The following MGMT variants were observed in gnomAD, a reference collection of about 807,000 sequenced individuals.
MGMT encodes methylated-DNA--protein-cysteine methyltransferase.
Under a neutral mutation model 15.9 loss-of-function variants are expected in MGMT, and 14 were observed. The ratio of observed to expected loss-of-function variants is 0.88; its 90% CI spans 0.58 to 1.37. MGMT has a LOEUF of 1.37. Ranked by LOEUF, MGMT falls within the 40% of genes most tolerant of loss-of-function variation. The pLI, the probability that MGMT is intolerant of heterozygous loss-of-function variation, is 0.00. For synonymous variants in MGMT, 130 were observed against 118.2 expected (o/e 1.10, Z -0.65); for missense variants, 282 against 268.1 (o/e 1.05, Z -0.36).
At chr10:129,673,657 G>A (rs1173847823) in intron 2 of MGMT, among the ~76,000 whole-genome samples, 1 of 152,116 alleles carries the variant, frequency 6.6e-6, no homozygotes, top group Non-Finnish European at 1.5e-5. Flanking sequence ...TTCAGGGGTT[G>A]CAAGTTCTCC....
At chr10:129,675,541 C>T (rs1043511565) in intron 2 of MGMT, among the ~76,000 whole-genome samples, 3 of 152,138 alleles carry the variant, frequency 2.0e-5, no homozygotes, top group Non-Finnish European at 4.4e-5. Context: ...GAGGGGAGTC[C>T]CCATCAGAAG....
At chr10:129,687,128 A>G (rs1010405708) in intron 2 of MGMT, among the ~76,000 whole-genome samples, 1 of 152,052 alleles carries the variant, frequency 6.6e-6, no homozygotes, top group Non-Finnish European at 1.5e-5. Context: ...GGGTAAGAAC[A>G]ACGTTTTTAT....
chr10:129,749,273 G>A (rs753653645), intron 3 of MGMT, among the ~76,000 whole-genome samples: 1 of 152,054 alleles, frequency 6.6e-6, no homozygotes, highest in Non-Finnish European at 1.5e-5. Flanking sequence ...ATCCCCCTGT[G>A]CTCCACCTAT....
chr10:129,641,900 T>A (rs1847331635), intron 2 of MGMT, among the ~76,000 whole-genome samples: 1 of 152,230 alleles, frequency 6.6e-6, no homozygotes. Context: ...GAAATCCACA[T>A]AATGTATGCG....
intron 2 of MGMT, among the ~76,000 whole-genome samples, chr10:129,639,900 C>G (rs1386261870): frequency 2.1e-5 from 3 of 145,334 alleles, no homozygotes; most frequent in Non-Finnish European, 4.5e-5. Context: ...AGAACTGGTT[C>G]TTTGGAAAAA....
Position 129,659,672 on chromosome 10 carries a change from T to A in MGMT, c.126-48223T>A, listed in dbSNP as rs558926902. On this transcript the variant is annotated intron_variant, in intron 2 of 4. Coordinates refer to ENST00000651593, the MANE Select transcript of MGMT (RefSeq NM_002412.5). This position sits in a 1 kb window ranked among gnomAD's most constrained non-coding sequence, Gnocchi z 4.1. ...GACTGTGTGAAATTTTGAAGAGCAG[T>A]TTAGCCCGAAAATATTCCATGAGTA... is the stretch of plus-strand genomic sequence containing the variant. 6.6e-6 allele frequency among the ~76,000 whole-genome samples: 1 copy of A among 152,296 alleles called. No homozygotes were observed. The highest frequency in any genetic ancestry group is 2.4e-5 in the African/African-American group (1 of 41,562).
chr10:129,469,494 T>C (rs1845206488), intron 1 of MGMT, among the ~76,000 whole-genome samples: 1 of 152,142 alleles, frequency 6.6e-6, no homozygotes, highest in African/African-American at 2.4e-5. Context: ...AGCATAAAGT[T>C]CCATGTCCAG....
At chr10:129,660,150 A>G (rs907509076) in intron 2 of MGMT, among the ~76,000 whole-genome samples, 8 of 152,144 alleles carry the variant, frequency 5.3e-5, no homozygotes, top group Admixed American at 3.3e-4. Context: ...CTGATTTTTC[A>G]TCTCCCTGCC....
intron 2 of MGMT, among the ~76,000 whole-genome samples, chr10:129,603,019 G>C (rs1274886733): frequency 6.6e-6 from 1 of 152,162 alleles, no homozygotes; most frequent in Non-Finnish European, 1.5e-5. Flanking sequence ...CTATGTCACA[G>C]TCTCTCCCAA....
intron 2 of MGMT, among the ~76,000 whole-genome samples, chr10:129,560,042 T>A (rs369983559): frequency 4.3e-4 from 65 of 152,316 alleles, no homozygotes; most frequent in African/African-American, 1.5e-3. Flanking sequence ...AAAGTGGAAT[T>A]ATGAGTTCAG....
intron 2 of MGMT, among the ~76,000 whole-genome samples, chr10:129,623,110 A>G (rs1386785525): frequency 2.0e-5 from 3 of 152,116 alleles, no homozygotes; most frequent in Non-Finnish European, 2.9e-5. Context: ...TACTCTGCGT[A>G]GTGTAGGGTG....
chr10:129,477,059 G>A (rs562628014), intron 1 of MGMT, among the ~76,000 whole-genome samples: 1 of 152,246 alleles, frequency 6.6e-6, no homozygotes, highest in East Asian at 1.9e-4. Flanking sequence ...TTGGGCCTCT[G>A]CATCTGTGCT....
intron 2 of MGMT, among the ~76,000 whole-genome samples, chr10:129,608,872 C>A (rs750544030): frequency 2.0e-5 from 3 of 152,214 alleles, no homozygotes; most frequent in Non-Finnish European, 2.9e-5. Context: ...GGGCTGAATG[C>A]GGAGTGTGGT....
chr10:129,600,345 G>T (rs1418220691), intron 2 of MGMT, among the ~76,000 whole-genome samples: 1 of 152,216 alleles, frequency 6.6e-6, no homozygotes, highest in Non-Finnish European at 1.5e-5. Context: ...GAAGGAGACT[G>T]TGGAAAATAA....
chr10:129,469,745 C>T (rs1230128278), intron 1 of MGMT, among the ~76,000 whole-genome samples: 2 of 152,162 alleles, frequency 1.3e-5, no homozygotes, highest in African/African-American at 4.8e-5. Context: ...CTTGGTCTTT[C>T]GCCCAGGCTG....
At chr10:129,470,031 C>T (rs551549053) in intron 1 of MGMT, among the ~76,000 whole-genome samples, 12 of 152,224 alleles carry the variant, frequency 7.9e-5, no homozygotes, top group African/African-American at 2.9e-4. Context: ...ATTATTTAAA[C>T]GAAACCTGAA....
intron 2 of MGMT, among the ~76,000 whole-genome samples, chr10:129,538,502 T>G (rs1846009597): frequency 6.6e-6 from 1 of 152,264 alleles, no homozygotes. Flanking sequence ...TTTTCAGATT[T>G]TAGCCATTCT....
chr10:129,637,434 G>T (rs529744170), intron 2 of MGMT, among the ~76,000 whole-genome samples: 3 of 152,290 alleles, frequency 2.0e-5, no homozygotes, highest in Admixed American at 6.5e-5. Flanking sequence ...ACACAGGCTG[G>T]TTTCTGTTTT....
intron 2 of MGMT, among the ~76,000 whole-genome samples, chr10:129,583,695 C>T (rs777759070): frequency 7.2e-5 from 11 of 152,228 alleles, no homozygotes; most frequent in Non-Finnish European, 1.5e-4. Context: ...GTTTACATTT[C>T]CTCTGCTCAC....
Sources: allele counts gnomAD v4.1 joint callset (sites outside exome capture counted in the v4.1 genomes callset), GRCh38; gene constraint gnomAD v4.1.1; non-coding constraint Gnocchi (gnomAD v3.1); transcripts MANE v1.5; gene names NCBI Gene and HGNC (gene_info 2026-07-23, HGNC 2026-07-21).